Variants in HERC2 observed in about 807,000 individuals in gnomAD.
HERC2 encodes the protein E3 ubiquitin-protein ligase HERC2.
HERC2 carries 102 observed loss-of-function variants against 537.7 expected under a neutral mutation model. The observed-to-expected ratio is 0.19, with a 90% confidence interval of 0.16 to 0.22. HERC2 has a LOEUF of 0.22. Among genes scored for constraint, HERC2 ranks in the 10% least tolerant of loss-of-function variants. The pLI is 1.00. For synonymous variants in HERC2, 2,224 were observed against 2,466.2 expected, an observed-to-expected ratio of 0.90 and a Z score of 2.91; for missense variants, 4,236 against 6,198.2, an observed-to-expected ratio of 0.68 and a Z score of 10.63.
intron 23 of HERC2, among the ~76,000 whole-genome samples, chr15:28,240,162 T>C (rs542662881): frequency 6.6e-6 from 1 of 152,376 alleles, no homozygotes; most frequent in East Asian, 1.9e-4. Context: ...CTCACGCCTG[T>C]AATCCCAGCA....
Position 28,198,687 on chromosome 15 carries a change from T to C in HERC2, c.7799A>G (p.Asp2600Gly). The change falls in exon 49 of 93, where the codon GAT becomes GGT. Residue 2600 changes from aspartate (D) to glycine (G), a missense_variant. By Grantham distance (94) the Asp-to-Gly change is moderately conservative. Around this residue, in one of 27 missense-constraint regions of HERC2, gnomAD observed 606 missense variants for 884.5 expected, o/e 0.69. Coordinates refer to ENST00000261609, the MANE Select transcript of HERC2 (RefSeq NM_004667.6). ...CTGCACATTGAGATCATGCAATCCA[T>C]CTCTGTCCAGCTTGATGACTTTGCC... ...DVGKVIKLDR[D>G]GLHDLNVQCD... 1 of 1,614,164 alleles carries C rather than the reference T, an allele frequency of 6.2e-7. No individual in the cohort carries two copies. Among genetic ancestry groups the C allele is most frequent in the Non-Finnish European group, 8.5e-7 (1 of 1,179,996 alleles).
intron 11 of HERC2, 87 bp downstream of exon 11, chr15:28,269,161 C>A: frequency 9.6e-7 from 1 of 1,036,538 alleles, no homozygotes; most frequent in Non-Finnish European, 1.4e-6. Flanking sequence ...AATCAAACGC[C>A]TTAAAGAAAC....
rs1431636338 is a variant in HERC2, at chr15:28,268,623, A to C, written c.1447-7T>G. 1.2e-6 allele frequency: 2 copies of C among 1,612,250 alleles called. No homozygotes were observed. Among genetic ancestry groups the C allele is most frequent in the Non-Finnish European group, 8.5e-7 (1 of 1,179,104 alleles). On this transcript the variant is annotated splice_region_variant and splice_polypyrimidine_tract_variant and intron_variant, in intron 11 of 92. Transcript: ENST00000261609. This position sits in a 1 kb window ranked among gnomAD's most constrained non-coding sequence, Gnocchi z 4.7. The stretch of plus-strand genomic sequence containing the variant: ...CTTGGACCAGCTGTGGGGCCTAAAG[A>C]AGGAAAAATACGAAGAAAAGTAGTC...
intron 4 of HERC2, among the ~76,000 whole-genome samples, chr15:28,292,600 G>A (rs1485297797): frequency 6.6e-6 from 1 of 151,966 alleles, no homozygotes; most frequent in Non-Finnish European, 1.5e-5. Flanking sequence ...GAGATCCCTT[G>A]AAGCCAGGAG....
At position 28,245,874 on chromosome 15, in the gene HERC2, G is replaced by A. The variant is rs199801737; in HGVS notation, c.3577+7C>T. The A allele has an allele frequency of 3.0e-5, 49 of 1,612,362 alleles. No homozygotes were observed. The highest frequency in any genetic ancestry group is 2.5e-4 in the African/African-American group (19 of 74,948). ...TTCCTCAGTAAAACTCCTTTAAGAC[G>A]CCGTACCCATTATGCCAGGCCAGGC... On this transcript the variant is annotated splice_region_variant and intron_variant, in intron 23 of 92. Coordinates refer to ENST00000261609, the MANE Select transcript of HERC2 (RefSeq NM_004667.6).
Position 28,163,240 on chromosome 15 carries a change from A to G in HERC2, c.10600T>C (p.Leu3534=). The G allele has an allele frequency of 6.2e-7, 1 of 1,613,946 alleles. No homozygotes were observed. Among genetic ancestry groups the G allele is most frequent in the Non-Finnish European group, 8.5e-7 (1 of 1,180,036 alleles). The change falls in exon 69 of 93, where the codon TTG becomes CTG. Residue 3534 remains leucine, a synonymous_variant. Transcript: ENST00000261609. Reference sequence around the variant, plus strand: ...ATCAGCAGACTGGTGAACTCATCCAAGGCCTGAGGCTCCGGACCTGCTGCT... The same window carrying G: ...ATCAGCAGACTGGTGAACTCATCCAGGGCCTGAGGCTCCGGACCTGCTGCT... ...NKAAGPEPQA[L]DEFTSLLIAD...
intron 5 of HERC2, among the ~76,000 whole-genome samples, chr15:28,277,021 G>A (rs1348769688): frequency 6.6e-6 from 1 of 152,130 alleles, no homozygotes; most frequent in Non-Finnish European, 1.5e-5. Flanking sequence ...GCTGCAGTGA[G>A]CTATGATTAT....
chr15:28,319,724 GCCCAAC>G (rs2077182552), intron 2 of HERC2, among the ~76,000 whole-genome samples: 1 of 151,506 alleles, frequency 6.6e-6, no homozygotes, highest in Admixed American at 6.6e-5. Flanking sequence ...ATGTTTATCT[GCCCAAC>G]CCATCATAGG....
rs1893858255 is a variant in HERC2, at chr15:28,163,806, C to CTTTT, written c.10555-522_10555-521insAAAA. Among the ~76,000 whole-genome samples, 3 of 152,310 alleles carry CTTTT rather than the reference C, an allele frequency of 2.0e-5. No individual in the cohort carries two copies. The South Asian group carries it at 6.2e-4, about 32-fold the overall frequency. Reference sequence around the variant, plus strand: ...CCTTGGGTTCATTGAAAACATCATACATAAAAGTCTTCTCATTACCACTCG... The same window carrying CTTTT: ...CCTTGGGTTCATTGAAAACATCATACTTTTATAAAAGTCTTCTCATTACCACTCG... On this transcript the variant is annotated intron_variant, in intron 68 of 92. Transcript: ENST00000261609.
intron 45 of HERC2, among the ~76,000 whole-genome samples, chr15:28,204,644 A>C (rs995890326): frequency 5.3e-5 from 8 of 151,888 alleles, no homozygotes; most frequent in Admixed American, 5.3e-4. Context: ...AGATAGACTT[A>C]AAGGATGAAG....
chr15:28,158,022 C>T (rs559254428), intron 69 of HERC2, among the ~76,000 whole-genome samples: 36 of 152,222 alleles, frequency 2.4e-4, no homozygotes, highest in Non-Finnish European at 4.7e-4. Context: ...GCAGGTTGTT[C>T]GGTTTCCATG....
At chr15:28,239,117 T>G (rs1902773604) in intron 23 of HERC2, among the ~76,000 whole-genome samples, 2 of 152,116 alleles carry the variant, frequency 1.3e-5, no homozygotes, top group South Asian at 4.1e-4. Flanking sequence ...AATAAAAAAT[T>G]CATCCACATA....
chr15:28,155,297 G>A (rs1892883883), intron 69 of HERC2, among the ~76,000 whole-genome samples: 1 of 151,982 alleles, frequency 6.6e-6, no homozygotes, highest in African/African-American at 2.4e-5. Context: ...GGGATGGCTG[G>A]GTCAAATGGT....
chr15:28,172,992 G>C (rs1334336637), intron 65 of HERC2, among the ~76,000 whole-genome samples: 1 of 152,180 alleles, frequency 6.6e-6, no homozygotes, highest in Non-Finnish European at 1.5e-5. Context: ...TCGTAAATAA[G>C]CAAGATGCTT....
intron 2 of HERC2, among the ~76,000 whole-genome samples, chr15:28,303,445 C>G (rs1280131023): frequency 6.6e-6 from 1 of 152,088 alleles, no homozygotes; most frequent in Non-Finnish European, 1.5e-5. Flanking sequence ...CAAAAAAGAC[C>G]AGGAAGTGAC....
At chr15:28,146,202 G>T in intron 71 of HERC2, 35 bp downstream of exon 71, 1 of 1,390,052 alleles carries the variant, frequency 7.2e-7, no homozygotes, top group Non-Finnish European at 1.0e-6. Flanking sequence ...GACACAGGTG[G>T]GTAGATCATG....
At chr15:28,261,661 A>G (rs948131489) in intron 15 of HERC2, among the ~76,000 whole-genome samples, 2 of 152,204 alleles carry the variant, frequency 1.3e-5, no homozygotes, top group Admixed American at 6.5e-5. Context: ...TAGCTTTCCT[A>G]TACTAATGGA....
At chr15:28,304,165 CAAAAAAAAAAAAAAAAAA>C (rs779514776) in intron 2 of HERC2, among the ~76,000 whole-genome samples, 2 of 63,820 alleles carry the variant, frequency 3.1e-5, no homozygotes, top group African/African-American at 1.1e-4. Flanking sequence ...GACTCCATCT[CAAAAAAAAAAAAAAAAAA>C]AAAAAAAAAC....
At chr15:28,320,624 GAC>G (rs2077205332) in intron 2 of HERC2, among the ~76,000 whole-genome samples, 1 of 151,892 alleles carries the variant, frequency 6.6e-6, no homozygotes, top group African/African-American at 2.4e-5. Context: ...GGAAAATACA[GAC>G]ACACACAAAA....
Sources: gnomAD v4.1 joint callset for allele counts (sites outside exome capture counted in the v4.1 genomes callset) on GRCh38, gnomAD v4.1.1 for gene constraint, gnomAD v4.1.1 regional missense constraint, Gnocchi (gnomAD v3.1) non-coding constraint, MANE v1.5 for transcripts, NCBI Gene and HGNC (gene_info 2026-07-23, HGNC 2026-07-21) for gene names.